The following NR3C2 variants were observed in gnomAD, a reference collection of about 807,000 sequenced individuals.
NR3C2 encodes nuclear receptor subfamily 3 group C member 2, also known as mineralocorticoid receptor.
NR3C2 carries 15 observed loss-of-function variants against 86.4 expected under a neutral mutation model. The observed-to-expected ratio is 0.17, with a 90% CI of 0.12 to 0.27. NR3C2 has a LOEUF of 0.27. Ranked by LOEUF, NR3C2 falls within the 10% of genes least tolerant of loss-of-function variation. NR3C2 has a pLI of 1.00. For missense variants in NR3C2, 960 were observed against 1,195.6 expected (o/e 0.80, Z 2.91); for synonymous variants, 458 against 450.5 (o/e 1.02, Z -0.21).
intron 2 of NR3C2, among the ~76,000 whole-genome samples, chr4:148,274,029 G>A (rs1255685553): frequency 1.3e-5 from 2 of 150,468 alleles, no homozygotes; most frequent in East Asian, 2.0e-4. Flanking sequence ...CCCTGGCCAC[G>A]TACACTCAGC....
intron 2 of NR3C2, among the ~76,000 whole-genome samples, chr4:148,347,327 T>C (rs1397274145): frequency 6.6e-6 from 1 of 151,756 alleles, no homozygotes; most frequent in Non-Finnish European, 1.5e-5. Context: ...CACCCAGAAA[T>C]GTTCCTCCAG....
At chr4:148,385,579 A>C (rs548677368) in intron 2 of NR3C2, among the ~76,000 whole-genome samples, 1 of 152,326 alleles carries the variant, frequency 6.6e-6, no homozygotes, top group Admixed American at 6.5e-5. Flanking sequence ...AACTGAACAC[A>C]AAGATATATC....
intron 8 of NR3C2, among the ~76,000 whole-genome samples, chr4:148,103,073 T>C (rs948788165): frequency 3.3e-5 from 5 of 152,166 alleles, no homozygotes; most frequent in Non-Finnish European, 7.3e-5. Context: ...TCTCCCTCCC[T>C]TGGGATGTTA....
At chr4:148,444,185 G>A, upstream of NR3C2, 1 of 985,398 alleles carries the variant, frequency 1.0e-6, no homozygotes, top group Non-Finnish European at 1.2e-6. Flanking sequence ...CGGCGGCTCC[G>A]CAAGCGTTGC....
intron 6 of NR3C2, among the ~76,000 whole-genome samples, chr4:148,126,501 T>C (rs1236417899): frequency 1.3e-5 from 2 of 152,094 alleles, no homozygotes; most frequent in Non-Finnish European, 2.9e-5. Flanking sequence ...ATAATGTAGG[T>C]TTTCAGAAGG....
chr4:148,123,672 TAGAA>T (rs1190159278), intron 6 of NR3C2, among the ~76,000 whole-genome samples: 3 of 152,296 alleles, frequency 2.0e-5, no homozygotes, highest in East Asian at 1.9e-4. Context: ...TTATGGAAAA[TAGAA>T]AGAACCTACA....
chr4:148,107,772 C>T (rs915356062), intron 8 of NR3C2, among the ~76,000 whole-genome samples: 4 of 152,188 alleles, frequency 2.6e-5, no homozygotes, highest in Non-Finnish European at 5.9e-5. Flanking sequence ...TACATGTTCT[C>T]ACTCATAAGT....
intron 6 of NR3C2, among the ~76,000 whole-genome samples, chr4:148,139,719 G>A (rs1311808286): frequency 2.0e-5 from 3 of 152,132 alleles, no homozygotes; most frequent in African/African-American, 7.2e-5. Context: ...TAATAAGCAG[G>A]CCGAGGGTCT....
chr4:148,400,806 G>T (rs943690324), intron 2 of NR3C2, among the ~76,000 whole-genome samples: 1 of 146,102 alleles, frequency 6.8e-6, no homozygotes, highest in Non-Finnish European at 1.5e-5. Flanking sequence ...AAAAAAAAGA[G>T]AGAGACTGCT....
intron 2 of NR3C2, among the ~76,000 whole-genome samples, chr4:148,368,699 T>C (rs1243149238): frequency 6.6e-6 from 1 of 152,076 alleles, no homozygotes; most frequent in Non-Finnish European, 1.5e-5. Flanking sequence ...GAAGACTAGA[T>C]TGGTATGGAA....
At chr4:148,141,370 G>T (rs1442890178) in intron 6 of NR3C2, among the ~76,000 whole-genome samples, 1 of 151,658 alleles carries the variant, frequency 6.6e-6, no homozygotes, top group Non-Finnish European at 1.5e-5. Flanking sequence ...GGAGGCGGAG[G>T]TTGCACACAC....
At chr4:148,183,285 T>C (rs1352787155) in intron 4 of NR3C2, among the ~76,000 whole-genome samples, 7 of 152,232 alleles carry the variant, frequency 4.6e-5, no homozygotes, top group Admixed American at 4.6e-4. Flanking sequence ...TAAACATATG[T>C]GTGCATGCGC....
chr4:148,105,258 C>T (rs1731741808), intron 8 of NR3C2, among the ~76,000 whole-genome samples: 1 of 152,154 alleles, frequency 6.6e-6, no homozygotes, highest in Admixed American at 6.5e-5. Flanking sequence ...ACTATAAACA[C>T]CTCTATACAA....
intron 3 of NR3C2, among the ~76,000 whole-genome samples, chr4:148,237,478 G>A (rs1359085141): frequency 6.6e-6 from 1 of 152,070 alleles, no homozygotes; most frequent in African/African-American, 2.4e-5. Context: ...GTCTGTGAAC[G>A]TTAAAACCAA....
chr4:148,216,454 T>C (rs1410280036), intron 3 of NR3C2, among the ~76,000 whole-genome samples: 2 of 152,138 alleles, frequency 1.3e-5, no homozygotes, highest in Non-Finnish European at 2.9e-5. Context: ...AGCAGTGAAG[T>C]AACTTGCCTA....
intron 8 of NR3C2, among the ~76,000 whole-genome samples, chr4:148,088,828 T>C (rs1210802105): frequency 1.3e-5 from 2 of 152,122 alleles, no homozygotes; most frequent in African/African-American, 2.4e-5. Flanking sequence ...TAATAACAAT[T>C]ATAAATGCAG....
At chr4:148,116,336 T>C (rs997254933) in intron 7 of NR3C2, among the ~76,000 whole-genome samples, 1 of 152,252 alleles carries the variant, frequency 6.6e-6, no homozygotes, top group Admixed American at 6.5e-5. Flanking sequence ...CAGCCAGATT[T>C]TTTAGAAGTT....
intron 2 of NR3C2, among the ~76,000 whole-genome samples, chr4:148,270,279 A>G (rs1269817250): frequency 6.6e-6 from 1 of 152,112 alleles, no homozygotes. Context: ...TGCCCTCTCA[A>G]TCCACCTCTT....
At chr4:148,307,099 T>G (rs899693713) in intron 2 of NR3C2, among the ~76,000 whole-genome samples, 3 of 152,030 alleles carry the variant, frequency 2.0e-5, no homozygotes, top group African/African-American at 7.2e-5. Flanking sequence ...TCAGCCTCAC[T>G]GATAAGAAAC....
Sources: allele counts gnomAD v4.1 joint callset (sites outside exome capture counted in the v4.1 genomes callset), GRCh38; gene constraint gnomAD v4.1.1; transcripts MANE v1.5; gene names NCBI Gene and HGNC (gene_info 2026-07-23, HGNC 2026-07-21).